Variants in DNAH7 observed in about 807,000 individuals in gnomAD.
The protein encoded by DNAH7 is axonemal beta dynein heavy chain 7.
Under a neutral mutation model 444.6 loss-of-function variants are expected in DNAH7, and 397 were observed. That is an observed-to-expected ratio of 0.89 (90% CI 0.82 to 0.97). DNAH7 has a LOEUF of 0.97. Ranked by LOEUF, DNAH7 falls within the 50% of genes least tolerant of loss-of-function variation. DNAH7 has a pLI of 0.00. For missense variants in DNAH7, 4,902 were observed against 4,800.8 expected (o/e 1.02, Z -0.62); for synonymous variants, 1,636 against 1,624.4 (o/e 1.01, Z -0.17).
chr2:195,964,526 GTTTTTTTTTT>G (rs34416268), intron 17 of DNAH7, among the ~76,000 whole-genome samples: 10 of 119,094 alleles, frequency 8.4e-5, no homozygotes, highest in African/African-American at 3.2e-4. Context: ...AGTTCTAATA[GTTTTTTTTTT>G]TTTTTTTTTG....
At position 196,028,147 on chromosome 2, in the gene DNAH7, T is replaced by C. The variant is rs1367034141; in HGVS notation, c.399-100A>G. The C allele has an allele frequency of 2.5e-5, 23 of 924,076 alleles. No individual in the cohort carries two copies. The East Asian group carries it at 4.8e-4, about 19-fold the overall frequency. The allele number at this position is 924,076 out of a possible 1,614,324, so 57.2% of individuals were successfully genotyped here. On this transcript the variant is annotated intron_variant, in intron 5 of 64. Transcript: ENST00000312428. ...ACCAGGACTATTTTCTATTAAATCATAAGGAAAAATGAATTGTTGAACATT... is the reference window on the plus strand; with the variant it reads ...ACCAGGACTATTTTCTATTAAATCACAAGGAAAAATGAATTGTTGAACATT...
At position 195,861,826 on chromosome 2, in the gene DNAH7, C is replaced by T; in HGVS notation, c.7627G>A (p.Asp2543Asn). ...TCAACAAAGAAAGATTTGGATAAATCTATAGTAGAAGTGTGGAAGCTTTTA... is the reference window on the plus strand; with the variant it reads ...TCAACAAAGAAAGATTTGGATAAATTTATAGTAGAAGTGTGGAAGCTTTTA... ...MCKSFHTSTI[D>N]LSKSFFVELQ... is the part of the protein sequence containing the mutation. The change falls in exon 42 of 65, where the codon GAT (aspartate) becomes AAT (asparagine). Residue 2543 changes from aspartate (D) to asparagine (N), a missense_variant. Asp to Asn is a conservative substitution (Grantham distance 23). Coordinates refer to ENST00000312428, the MANE Select transcript of DNAH7 (RefSeq NM_018897.3). 1 of 1,613,630 alleles carries T rather than the reference C, an allele frequency of 6.2e-7. No homozygotes were observed. Among genetic ancestry groups the T allele is most frequent in the Non-Finnish European group, 8.5e-7 (1 of 1,179,670 alleles).
At chr2:196,000,656 G>A (rs749400387) in intron 12 of DNAH7, 48 bp downstream of exon 12, 7 of 1,374,382 alleles carry the variant, frequency 5.1e-6, no homozygotes, top group Non-Finnish European at 5.8e-6. Flanking sequence ...TACTTGAAGT[G>A]AATGTCATTA....
At chr2:195,790,059 A>C (rs1284602686) in intron 57 of DNAH7, among the ~76,000 whole-genome samples, 3 of 152,178 alleles carry the variant, frequency 2.0e-5, no homozygotes. Flanking sequence ...AATCAAGGAC[A>C]CAATCCCATT....
chr2:195,814,563 AAAG>A (rs1307107982), intron 51 of DNAH7, among the ~76,000 whole-genome samples: 1 of 152,236 alleles, frequency 6.6e-6, no homozygotes, highest in Non-Finnish European at 1.5e-5. Context: ...ATGGCAGACC[AAAG>A]AAATTTTCTT....
At chr2:195,930,703 C>G (rs890670599) in intron 21 of DNAH7, among the ~76,000 whole-genome samples, 3 of 152,062 alleles carry the variant, frequency 2.0e-5, no homozygotes, top group African/African-American at 7.2e-5. Flanking sequence ...ATAAATTGTT[C>G]TACCAAAAAG....
intron 21 of DNAH7, among the ~76,000 whole-genome samples, chr2:195,927,529 T>TAAATAAATA (rs1559233459): frequency 5.4e-5 from 8 of 149,078 alleles, no homozygotes; most frequent in African/African-American, 1.9e-4. Context: ...ATAAATAAAT[T>TAAATAAATA]AATTAATTAA....
chr2:195,960,211 G>A, intron 18 of DNAH7, 49 bp downstream of exon 18: 1 of 1,439,448 alleles, frequency 6.9e-7, no homozygotes, highest in South Asian at 1.4e-5. Context: ...TTAAACACAA[G>A]TGATTTTGGT....
intron 22 of DNAH7, among the ~76,000 whole-genome samples, chr2:195,924,804 T>C (rs1688231782): frequency 6.6e-6 from 1 of 152,202 alleles, no homozygotes; most frequent in South Asian, 2.1e-4. Context: ...CTAATGCCAG[T>C]TCTGAAGACC....
intron 5 of DNAH7, among the ~76,000 whole-genome samples, chr2:196,030,920 C>A (rs1696013829): frequency 6.6e-6 from 1 of 152,216 alleles, no homozygotes; most frequent in Admixed American, 6.5e-5. Context: ...GTCAGTGGAT[C>A]TACCATGCTG....
At chr2:195,781,686 CAA>C (rs1695386100) in intron 58 of DNAH7, among the ~76,000 whole-genome samples, 1 of 131,122 alleles carries the variant, frequency 7.6e-6, no homozygotes, top group Non-Finnish European at 1.7e-5. Context: ...CACACACACA[CAA>C]AATCTTAGTT....
chr2:195,838,795 T>G (rs1698521490), intron 47 of DNAH7, among the ~76,000 whole-genome samples: 1 of 151,944 alleles, frequency 6.6e-6, no homozygotes, highest in Admixed American at 6.6e-5. Flanking sequence ...GGCGATAGTA[T>G]ATTAGAAAAA....
rs1293205953 is a variant in DNAH7 at position 195,834,293 on chromosome 2, C to T, written c.9013G>A (p.Glu3005Lys). ...SQANKWIKNMEKANSLYVIKL... is the reference protein window; with the variant it reads ...SQANKWIKNMKKANSLYVIKL... ...ATCACATAAAGACTATTGGCTTTTT[C>T]CATGTTCTTGATCCATTTATTAGCC... The change falls in exon 48 of 65, where the codon GAA (glutamate) becomes AAA (lysine). Residue 3005 changes from glutamate (E) to lysine (K), a missense_variant. Transcript: ENST00000312428. The T allele has an allele frequency of 6.2e-7, 1 of 1,608,606 alleles. No individual in the cohort carries two copies. Among genetic ancestry groups the T allele is most frequent in the Non-Finnish European group, 8.5e-7 (1 of 1,175,606 alleles).
chr2:195,902,900 T>G (rs546086820), intron 27 of DNAH7: 2 of 152,312 alleles, frequency 1.3e-5, no homozygotes, highest in East Asian at 1.9e-4. Flanking sequence ...GGTTCGATTT[T>G]GGATGTACCA....
intron 40 of DNAH7, among the ~76,000 whole-genome samples, chr2:195,868,517 T>C (rs1415039335): frequency 2.6e-5 from 4 of 151,686 alleles, no homozygotes; most frequent in African/African-American, 7.3e-5. Flanking sequence ...AGCGATGTCT[T>C]TGAATCCTTT....
intron 54 of DNAH7, among the ~76,000 whole-genome samples, chr2:195,799,792 G>A (rs1450613175): frequency 1.3e-5 from 2 of 152,122 alleles, no homozygotes; most frequent in East Asian, 3.8e-4. Flanking sequence ...CACTAATTAT[G>A]TTTCAAAAAT....
chr2:195,862,447 G>GC (rs1313976772), intron 41 of DNAH7, among the ~76,000 whole-genome samples: 1 of 152,074 alleles, frequency 6.6e-6, no homozygotes, highest in Non-Finnish European at 1.5e-5. Context: ...CTACATAGCT[G>GC]CAAGAGTGAG....
intron 17 of DNAH7, among the ~76,000 whole-genome samples, chr2:195,965,964 T>C (rs1388177676): frequency 1.3e-5 from 2 of 152,092 alleles, no homozygotes; most frequent in African/African-American, 2.4e-5. Context: ...ATTTCTGCTC[T>C]GGTGTTTATT....
chr2:195,755,663 T>C (rs1694034759), intron 62 of DNAH7, among the ~76,000 whole-genome samples: 1 of 152,188 alleles, frequency 6.6e-6, no homozygotes, highest in African/African-American at 2.4e-5. Flanking sequence ...ATAGGTAGAG[T>C]TGTTAATAAG....
Sources: gnomAD v4.1 joint callset for allele counts (sites outside exome capture counted in the v4.1 genomes callset) on GRCh38, gnomAD v4.1.1 for gene constraint, MANE v1.5 for transcripts, NCBI Gene and HGNC (gene_info 2026-07-23, HGNC 2026-07-21) for gene names.